RORA: variants seen among roughly 807,000 people sequenced by gnomAD.
RORA encodes the protein RAR related orphan receptor A, also known as nuclear receptor ROR-alpha.
Under a neutral mutation model 69.5 loss-of-function variants are expected in RORA, and 7 were observed. The observed-to-expected ratio is 0.10, with a 90% CI of 0.06 to 0.19. The LOEUF (loss-of-function observed/expected upper bound fraction) is 0.19. Among genes scored for constraint, RORA ranks in the 10% least tolerant of loss-of-function variants. The pLI is 1.00. For synonymous variants in RORA, 261 were observed against 240.8 expected (o/e 1.08, Z -0.78); for missense variants, 457 against 663.0 (o/e 0.69, Z 3.41).
chr15:60,983,002 A>G (rs1045233778), intron 1 of RORA, among the ~76,000 whole-genome samples: 1 of 152,130 alleles, frequency 6.6e-6, no homozygotes, highest in African/African-American at 2.4e-5. Context: ...TAGACCTTGA[A>G]GAAGACTGGC....
At chr15:60,584,757 C>T (rs1026504680) in intron 2 of RORA, among the ~76,000 whole-genome samples, 7 of 151,464 alleles carry the variant, frequency 4.6e-5, no homozygotes, top group Middle Eastern at 3.4e-3. Context: ...TTCCAACAAC[C>T]GAAAAATGAA....
At chr15:60,783,914 A>G (rs756057070) in intron 1 of RORA, among the ~76,000 whole-genome samples, 6 of 152,234 alleles carry the variant, frequency 3.9e-5, no homozygotes, top group African/African-American at 7.2e-5. Flanking sequence ...CTGGCAAAGA[A>G]GAGAATTTGT....
intron 2 of RORA, among the ~76,000 whole-genome samples, chr15:60,587,887 G>GTATATGC (rs1295058490): frequency 1.3e-5 from 2 of 152,156 alleles, no homozygotes; most frequent in Non-Finnish European, 2.9e-5. Context: ...CCATTGGATA[G>GTATATGC]TATATGCTAT....
At chr15:61,002,223 C>G (rs1466670013) in intron 1 of RORA, among the ~76,000 whole-genome samples, 1 of 152,234 alleles carries the variant, frequency 6.6e-6, no homozygotes, top group Admixed American at 6.5e-5. Context: ...TTTCAGTTCC[C>G]TTCTGGTTCA....
At chr15:60,857,682 A>C (rs2073395285) in intron 1 of RORA, among the ~76,000 whole-genome samples, 1 of 152,204 alleles carries the variant, frequency 6.6e-6, no homozygotes, top group Admixed American at 6.5e-5. Flanking sequence ...TCCAGCTAGC[A>C]GCTTCAGCCG....
chr15:60,937,798 T>A (rs1193377160), intron 1 of RORA, among the ~76,000 whole-genome samples: 1 of 152,240 alleles, frequency 6.6e-6, no homozygotes, highest in Non-Finnish European at 1.5e-5. Context: ...CAAATGGGGA[T>A]GCTGATATTT....
Position 60,497,258 on chromosome 15 carries a change from T to C in RORA, c.*197A>G. ...ATATCTGTAGGCATAATGGAAATCA[T>C]ATGCATGAGAAAAACAAGTTCAACT... On this transcript the variant is annotated 3_prime_UTR_variant, in exon 11 of 11. Coordinates refer to ENST00000335670, the MANE Select transcript of RORA (RefSeq NM_134261.3). The C allele has an allele frequency of 3.7e-6, 2 of 543,428 alleles. No individual in the cohort carries two copies. The highest frequency in any genetic ancestry group is 5.3e-5 in the South Asian group (2 of 38,010). 33.7% of individuals were successfully genotyped at this position (543,428 alleles called of 1,614,324 possible).
chr15:60,746,785 TA>T (rs2071654540), intron 1 of RORA, among the ~76,000 whole-genome samples: 1 of 152,180 alleles, frequency 6.6e-6, no homozygotes, highest in African/African-American at 2.4e-5. Flanking sequence ...TATGTGGTCA[TA>T]AAAAATATCT....
rs549469565 is a variant in RORA, at chr15:60,556,725, G to T, written c.197-24874C>A. On this transcript the variant is annotated intron_variant, in intron 2 of 10. Transcript: ENST00000335670. ...GATCCTCTATGCCTGGAAGTTCACG[G>T]CTTCCCCTTTCTCTTCATCATTTTC... The T allele has an allele frequency of 5.6e-4, 404 of 717,770 alleles. No homozygotes were observed. In the African/African-American group the frequency reaches 6.3e-3, roughly 11 times the overall value. The allele number at this position is 717,770 out of a possible 1,614,324, so 44.5% of individuals were successfully genotyped here.
chr15:61,092,761 G>A (rs780143519), intron 1 of RORA, among the ~76,000 whole-genome samples: 67 of 152,200 alleles, frequency 4.4e-4, no homozygotes, highest in Non-Finnish European at 6.9e-4. Flanking sequence ...CCTGGGTGGT[G>A]TTGGCATTAT....
At chr15:60,795,453 G>C (rs1357119296) in intron 1 of RORA, among the ~76,000 whole-genome samples, 1 of 152,188 alleles carries the variant, frequency 6.6e-6, no homozygotes, top group Non-Finnish European at 1.5e-5. Flanking sequence ...GAGTATTTTT[G>C]AGCTAAGAAT....
intron 1 of RORA, among the ~76,000 whole-genome samples, chr15:60,683,204 G>T (rs2070675230): frequency 6.6e-6 from 1 of 152,084 alleles, no homozygotes; most frequent in Admixed American, 6.5e-5. Context: ...AGAGATGGGG[G>T]TCTTGCCATG....
intron 1 of RORA, among the ~76,000 whole-genome samples, chr15:60,938,645 T>G (rs1047291355): frequency 6.6e-6 from 1 of 152,214 alleles, no homozygotes; most frequent in Non-Finnish European, 1.5e-5. Context: ...AAACACTCAC[T>G]TAAACATTTT....
intron 3 of RORA, among the ~76,000 whole-genome samples, chr15:60,518,420 T>C (rs2066039691): frequency 6.6e-6 from 1 of 152,264 alleles, no homozygotes; most frequent in Non-Finnish European, 1.5e-5. Context: ...AACCATATCT[T>C]TTTATTCTGT....
intron 1 of RORA, among the ~76,000 whole-genome samples, chr15:61,082,840 T>C (rs779013137): frequency 6.6e-6 from 1 of 152,210 alleles, no homozygotes; most frequent in Middle Eastern, 3.2e-3. Context: ...AAAATACGAA[T>C]AATTGATTTG....
Position 60,597,578 on chromosome 15 carries a change from A to ATG in RORA, c.197-65728_197-65727insCA, listed in dbSNP as rs2068709723. ...TATATATATATATATATATATACAC[A>ATG]TATATATATATATATACACATATAT... On this transcript the variant is annotated intron_variant, in intron 2 of 10. Transcript: ENST00000335670. Among the ~76,000 whole-genome samples the ATG allele has an allele frequency of 5.1e-4, 6 of 11,732 alleles. 1 individual carries two copies. The Admixed American group carries it at 1.0e-2, about 19-fold the overall frequency. The allele number at this position is 11,732 out of a possible 152,430, so 7.7% of individuals were successfully genotyped here. A position where few individuals can be genotyped will look rare whatever the true frequency, so the allele number is the denominator to read the frequency against.
intron 1 of RORA, among the ~76,000 whole-genome samples, chr15:61,067,803 C>A (rs1176881981): frequency 6.6e-6 from 1 of 152,208 alleles, no homozygotes; most frequent in Non-Finnish European, 1.5e-5. Flanking sequence ...TCATCCCATC[C>A]ATTCTCAGCT....
intron 1 of RORA, among the ~76,000 whole-genome samples, chr15:60,836,288 G>C (rs971086396): frequency 6.6e-6 from 1 of 152,144 alleles, no homozygotes; most frequent in African/African-American, 2.4e-5. Context: ...TGCAGATGGA[G>C]AGAGGAGACA....
intron 1 of RORA, among the ~76,000 whole-genome samples, chr15:61,130,877 A>C (rs2079184872): frequency 6.6e-6 from 1 of 152,224 alleles, no homozygotes; most frequent in African/African-American, 2.4e-5. Context: ...AGAAGAAATA[A>C]AGAAGAGAAG....
Sources: allele counts gnomAD v4.1 joint callset (sites outside exome capture counted in the v4.1 genomes callset), GRCh38; gene constraint gnomAD v4.1.1; transcripts MANE v1.5; gene names NCBI Gene and HGNC (gene_info 2026-07-23, HGNC 2026-07-21).